The following LGSN variants were observed in gnomAD, a reference collection of about 807,000 sequenced individuals.
LGSN encodes the protein lengsin, lens protein with glutamine synthetase domain.
A neutral mutation model predicts 19.5 loss-of-function variants in LGSN; 21 were observed. That is an observed-to-expected ratio of 1.07 (90% CI 0.76 to 1.55). LGSN has a LOEUF of 1.55. LGSN is among the 40% of genes most tolerant of loss of function. LGSN has a pLI of 0.00. For missense variants in LGSN, 673 were observed against 608.5 expected, an observed-to-expected ratio of 1.11 and a Z score of -1.12; for synonymous variants, 257 against 215.6, an observed-to-expected ratio of 1.19 and a Z score of -1.68.
the LGSN span, among the ~76,000 whole-genome samples, chr6:63,410,664 T>C: frequency 6.6e-6 from 1 of 152,194 alleles, no homozygotes; most frequent in African/African-American, 2.4e-5. Flanking sequence ...CTTGGAACCA[T>C]AAAGTGCAAT....
the LGSN span, chr6:63,395,641 C>A: frequency 6.5e-6 from 1 of 153,360 alleles, no homozygotes; most frequent in South Asian, 2.0e-4. Flanking sequence ...ATTCAGGCCT[C>A]CCAATTCTTC....
intron 1 of LGSN, among the ~76,000 whole-genome samples, chr6:63,310,598 A>T (rs189432346): frequency 2.0e-5 from 3 of 152,330 alleles, no homozygotes; most frequent in African/African-American, 4.8e-5. Context: ...AGCTCTATCA[A>T]GGTTAATATA....
At chr6:63,336,891 T>C in the LGSN span, among the ~76,000 whole-genome samples, 1 of 151,608 alleles carries the variant, frequency 6.6e-6, no homozygotes, top group South Asian at 2.1e-4. Context: ...TGAACCACCA[T>C]GCCCGGCCCC....
the LGSN span, among the ~76,000 whole-genome samples, chr6:63,523,421 C>G: frequency 2.6e-5 from 4 of 152,010 alleles, no homozygotes; most frequent in Admixed American, 2.6e-4. Flanking sequence ...GTAGTCCCAG[C>G]TACTCGGGAG....
At chr6:63,509,061 GA>G in the LGSN span, among the ~76,000 whole-genome samples, 4 of 150,940 alleles carry the variant, frequency 2.7e-5, 1 homozygote, top group South Asian at 4.2e-4. Flanking sequence ...TGTAATAAAG[GA>G]AAAAAATTTT....
chr6:63,476,700 A>G, the LGSN span, among the ~76,000 whole-genome samples: 2 of 152,226 alleles, frequency 1.3e-5, no homozygotes, highest in East Asian at 3.8e-4. Context: ...CACAGGAAGC[A>G]AACATTCTAA....
the LGSN span, among the ~76,000 whole-genome samples, chr6:63,501,025 G>A: frequency 1.3e-5 from 2 of 151,998 alleles, no homozygotes; most frequent in East Asian, 3.9e-4. Flanking sequence ...CACTGTGCCT[G>A]ACTGACAGGT....
chr6:63,455,627 G>A, the LGSN span, among the ~76,000 whole-genome samples: 2 of 152,078 alleles, frequency 1.3e-5, no homozygotes, highest in Non-Finnish European at 2.9e-5. Context: ...AGTGGCATGT[G>A]CCTGTAATCC....
chr6:63,464,686 T>G, the LGSN span, among the ~76,000 whole-genome samples: 4 of 151,894 alleles, frequency 2.6e-5, no homozygotes, highest in African/African-American at 7.3e-5. Context: ...TCACTAAAAT[T>G]TAAATTACAT....
chr6:63,481,297 C>T, the LGSN span, among the ~76,000 whole-genome samples: 1 of 151,842 alleles, frequency 6.6e-6, no homozygotes, highest in Non-Finnish European at 1.5e-5. Context: ...TCTCAGAATT[C>T]ACAACTATCT....
chr6:63,547,016 G>A, the LGSN span, among the ~76,000 whole-genome samples: 4 of 151,790 alleles, frequency 2.6e-5, no homozygotes, highest in African/African-American at 7.3e-5. Flanking sequence ...AAAAAGTTTT[G>A]GATTATAGTA....
chr6:63,470,706 C>T, the LGSN span, among the ~76,000 whole-genome samples: 14 of 151,736 alleles, frequency 9.2e-5, no homozygotes, highest in African/African-American at 1.2e-4. Flanking sequence ...GTTGGGGAGC[C>T]GCCAGAGATG....
the LGSN span, among the ~76,000 whole-genome samples, chr6:63,488,748 G>A: frequency 6.6e-6 from 1 of 151,720 alleles, no homozygotes; most frequent in East Asian, 1.9e-4. Flanking sequence ...AACTGAGGAG[G>A]TAGAGGTTGC....
At chr6:63,506,520 C>T in the LGSN span, among the ~76,000 whole-genome samples, 9 of 152,258 alleles carry the variant, frequency 5.9e-5, no homozygotes, top group Admixed American at 1.3e-4. Flanking sequence ...TCCTTGGCCT[C>T]CCAAAGTGCT....
intron 1 of LGSN, among the ~76,000 whole-genome samples, chr6:63,304,586 C>A (rs999547964): frequency 6.6e-6 from 1 of 152,142 alleles, no homozygotes; most frequent in African/African-American, 2.4e-5. Flanking sequence ...AACATGTAGA[C>A]TTTTCATCTG....
At chr6:63,390,885 A>AAATTGG in the LGSN span, among the ~76,000 whole-genome samples, 1 of 151,764 alleles carries the variant, frequency 6.6e-6, no homozygotes, top group Non-Finnish European at 1.5e-5. Context: ...AAAGAAAAGA[A>AAATTGG]AATTGGAATT....
chr6:63,366,069 G>C, the LGSN span, among the ~76,000 whole-genome samples: 1 of 152,156 alleles, frequency 6.6e-6, no homozygotes, highest in Admixed American at 6.5e-5. Context: ...ATTCAACATA[G>C]TGTTGGAAGT....
the LGSN span, among the ~76,000 whole-genome samples, chr6:63,422,688 GA>G: frequency 6.6e-6 from 1 of 151,752 alleles, no homozygotes; most frequent in Admixed American, 6.6e-5. Context: ...TATATATACA[GA>G]AAAGTAAAAC....
the LGSN span, among the ~76,000 whole-genome samples, chr6:63,470,296 C>A: frequency 6.6e-6 from 1 of 151,388 alleles, no homozygotes; most frequent in African/African-American, 2.4e-5. Flanking sequence ...GGCAAAACCC[C>A]GTCTCTACTA....
Sources: allele counts gnomAD v4.1 joint callset (sites outside exome capture counted in the v4.1 genomes callset), GRCh38; gene constraint gnomAD v4.1.1; transcripts MANE v1.5; gene names NCBI Gene and HGNC (gene_info 2026-07-23, HGNC 2026-07-21).